ARHGEF10L: variants seen among roughly 807,000 people sequenced by gnomAD.
The protein encoded by ARHGEF10L is rho guanine nucleotide exchange factor 10-like protein.
ARHGEF10L carries 69 observed loss-of-function variants against 141.2 expected under a neutral mutation model. The observed-to-expected ratio is 0.49, with a 90% confidence interval of 0.40 to 0.60. The LOEUF is 0.60. ARHGEF10L is among the 20% of genes least tolerant of loss of function. ARHGEF10L has a pLI of 0.00. For synonymous variants in ARHGEF10L, 711 were observed against 718.5 expected (o/e 0.99, Z 0.17); for missense variants, 1,482 against 1,734.3 (o/e 0.85, Z 2.58).
In ARHGEF10L at chr1:17,607,852, C is replaced by G. The variant is rs145133878; in HGVS notation, c.484C>G (p.Arg162Gly). 3.1e-6 allele frequency: 5 copies of G among 1,589,326 alleles called. No homozygotes were observed. Among genetic ancestry groups the G allele is most frequent in the Non-Finnish European group, 4.3e-6 (5 of 1,169,284 alleles). Residue 162 changes from arginine to glycine, a missense_variant, in exon 7 of 29, where the codon CGG (arginine) becomes GGG (glycine). Transcript: ENST00000361221. This position sits in a 1 kb window ranked among gnomAD's most constrained non-coding sequence, Gnocchi z 4.5. Reference sequence around the variant, plus strand: ...GGATGCGCACCGGGCTGGGGCCCCTCGGCAGGCGGAGGACCTAGGCTGGAG... The same window carrying G: ...GGATGCGCACCGGGCTGGGGCCCCTGGGCAGGCGGAGGACCTAGGCTGGAG... ...YEDAHRAGAPRQAEDLGWSSS... is the reference protein window; with the variant it reads ...YEDAHRAGAPGQAEDLGWSSS...
intron 10 of ARHGEF10L, among the ~76,000 whole-genome samples, chr1:17,620,708 G>A (rs537768395): frequency 1.4e-4 from 21 of 152,234 alleles, no homozygotes; most frequent in African/African-American, 3.9e-4. Flanking sequence ...CCTGATGGAC[G>A]CTCAGGACAG....
chr1:17,672,007 C>T (rs891339728), intron 26 of ARHGEF10L, among the ~76,000 whole-genome samples: 3 of 152,190 alleles, frequency 2.0e-5, no homozygotes, highest in African/African-American at 4.8e-5. Flanking sequence ...TAACCGGCTT[C>T]GGAGCATGAA....
chr1:17,527,675 C>T, the ARHGEF10L span, among the ~76,000 whole-genome samples: 2 of 147,374 alleles, frequency 1.4e-5, no homozygotes, highest in Non-Finnish European at 3.0e-5. Context: ...CAAGACACTC[C>T]TTTTTTTTTT....
chr1:17,637,963 A>G lies in ARHGEF10L; in HGVS notation c.2003A>G (p.Gln668Arg). 1.2e-6 allele frequency: 2 copies of G among 1,600,276 alleles called. No homozygotes were observed. Among genetic ancestry groups the G allele is most frequent in the Non-Finnish European group, 1.7e-6 (2 of 1,173,456 alleles). ...CAGAAGGACCTGGCCGTGGTGGAGC[A>G]GATCACGCTTCTCATCAGCACGCTG... ...DLQKDLAVVEQITLLISTLHG... is the reference protein window; with the variant it reads ...DLQKDLAVVERITLLISTLHG... Residue 668 changes from glutamine (Q) to arginine (R), a missense_variant, in exon 19 of 29, where the codon CAG becomes CGG. By Grantham distance (43) the Gln-to-Arg change is conservative. This residue lies in a region of ARHGEF10L where 858 missense variants were observed against 966.3 expected (regional missense o/e 0.89). Transcript: ENST00000361221.
At chr1:17,589,573 C>T (rs997483674) in intron 4 of ARHGEF10L, among the ~76,000 whole-genome samples, 6 of 152,200 alleles carry the variant, frequency 3.9e-5, no homozygotes, top group Non-Finnish European at 8.8e-5. Context: ...AGGAGAAGTC[C>T]TTCATGTGCT....
At chr1:17,527,341 T>A in the ARHGEF10L span, among the ~76,000 whole-genome samples, 1 of 152,170 alleles carries the variant, frequency 6.6e-6, no homozygotes, top group Non-Finnish European at 1.5e-5. Flanking sequence ...CAGAGAATAA[T>A]CTCCCTAAAG....
chr1:17,654,750 A>C lies in ARHGEF10L; in HGVS notation c.2481+28A>C, dbSNP rs1365589032. 3.1e-6 allele frequency: 5 copies of C among 1,603,188 alleles called. No homozygotes were observed. The highest frequency in any genetic ancestry group is 1.7e-5 in the Admixed American group (1 of 59,998). On this transcript the variant is annotated intron_variant, in intron 23 of 28. Transcript: ENST00000361221. The surrounding 1 kb of genome is among the most constrained non-coding windows in gnomAD (Gnocchi z 4.3). ...GAGTCACCCCCCTGCCCAGCTGGGC[A>C]TTCTGGCCTCAGGACAGGAGTAGGG... is the stretch of plus-strand genomic sequence containing the variant.
chr1:17,602,459 C>T (rs1252446656), intron 5 of ARHGEF10L, among the ~76,000 whole-genome samples: 2 of 152,200 alleles, frequency 1.3e-5, no homozygotes, highest in African/African-American at 2.4e-5. Flanking sequence ...CAGGCCAGGG[C>T]GGCCCAGTGG....
chr1:17,577,427 T>C (rs1380866432), intron 1 of ARHGEF10L, among the ~76,000 whole-genome samples: 1 of 152,200 alleles, frequency 6.6e-6, no homozygotes, highest in African/African-American at 2.4e-5. Context: ...CAAGGTCTCA[T>C]AGCTGCTGAG....
the ARHGEF10L span, among the ~76,000 whole-genome samples, chr1:17,523,335 C>G: frequency 6.6e-6 from 1 of 152,020 alleles, no homozygotes; most frequent in Non-Finnish European, 1.5e-5. Flanking sequence ...GTAATCAGCC[C>G]GCCTTGGCCT....
At chr1:17,631,637 C>G (rs145466533) in intron 15 of ARHGEF10L, among the ~76,000 whole-genome samples, 1 of 152,206 alleles carries the variant, frequency 6.6e-6, no homozygotes, top group Non-Finnish European at 1.5e-5. Flanking sequence ...TGTCATCACA[C>G]GTGACCCGTG....
intron 1 of ARHGEF10L, among the ~76,000 whole-genome samples, chr1:17,561,644 G>A (rs1174725429): frequency 2.0e-5 from 3 of 152,264 alleles, no homozygotes; most frequent in Non-Finnish European, 4.4e-5. Flanking sequence ...CCTTGGCGTA[G>A]GTCCCTGGGG....
rs1337152568 is a variant in ARHGEF10L, at chr1:17,697,717, G to A, written c.*337G>A. On this transcript the variant is annotated 3_prime_UTR_variant, in exon 29 of 29. Transcript: ENST00000361221. The surrounding 1 kb of genome is among the most constrained non-coding windows in gnomAD (Gnocchi z 4.8). ...GGCAGCCACACGCCCCTCCTGGAAG[G>A]GTGTGTGCGTGTGAGTGTGTGCGAG... 3.9e-6 allele frequency: 2 copies of A among 515,734 alleles called. No individual in the cohort carries two copies. Among genetic ancestry groups the A allele is most frequent in the East Asian group, 1.0e-4 (2 of 19,448 alleles). The allele number at this position is 515,734 out of a possible 1,614,324, so 31.9% of individuals were successfully genotyped here. A position where few individuals can be genotyped will look rare whatever the true frequency, so the allele number is the denominator to read the frequency against.
intron 16 of ARHGEF10L, among the ~76,000 whole-genome samples, chr1:17,632,875 C>T (rs902444652): frequency 8.5e-5 from 13 of 152,224 alleles, no homozygotes; most frequent in African/African-American, 3.1e-4. Flanking sequence ...TTGCCTTTCC[C>T]CCACAGACCG....
At chr1:17,691,388 C>G (rs954372380) in intron 27 of ARHGEF10L, among the ~76,000 whole-genome samples, 1 of 152,242 alleles carries the variant, frequency 6.6e-6, no homozygotes, top group Admixed American at 6.5e-5. Context: ...TTCTTGCTTG[C>G]CTTCCTCCCA....
chr1:17,692,112 C>T (rs762583281), intron 27 of ARHGEF10L, among the ~76,000 whole-genome samples: 7 of 152,170 alleles, frequency 4.6e-5, no homozygotes, highest in Non-Finnish European at 8.8e-5. Context: ...GACCCTGGAC[C>T]GGAGGCTGCC....
In ARHGEF10L at chr1:17,654,091, A is replaced by C. The variant is rs2062088808; in HGVS notation, c.2395-545A>C. 6.6e-6 allele frequency among the ~76,000 whole-genome samples: 1 copy of C among 152,156 alleles called. No homozygotes were observed. The highest frequency in any genetic ancestry group is 1.5e-5 in the Non-Finnish European group (1 of 68,034). ...CCTAGAATTGCTGTCCTGGCCAGAG[A>C]GAGGGACTGACCAGGTCTAGCTCAG... On this transcript the variant is annotated intron_variant, in intron 22 of 28. Transcript: ENST00000361221. The surrounding 1 kb of genome is among the most constrained non-coding windows in gnomAD (Gnocchi z 4.3).
At chr1:17,515,535 G>GGGGCCAAGGAGGACCTTT in the ARHGEF10L span, among the ~76,000 whole-genome samples, 1 of 151,656 alleles carries the variant, frequency 6.6e-6, no homozygotes, top group East Asian at 1.9e-4. Context: ...CTTGACCTCA[G>GGGGCCAAGGAGGACCTTT]GGGATCCTCC....
intron 3 of ARHGEF10L, among the ~76,000 whole-genome samples, chr1:17,588,024 T>TG (rs2079172298): frequency 6.6e-6 from 1 of 152,144 alleles, no homozygotes; most frequent in South Asian, 2.1e-4. Flanking sequence ...CTGGCAACCC[T>TG]GGGGGGCAGG....
Sources: gnomAD v4.1 joint callset for allele counts (sites outside exome capture counted in the v4.1 genomes callset) on GRCh38, gnomAD v4.1.1 for gene constraint, gnomAD v4.1.1 regional missense constraint, Gnocchi (gnomAD v3.1) non-coding constraint, MANE v1.5 for transcripts, NCBI Gene and HGNC (gene_info 2026-07-23, HGNC 2026-07-21) for gene names.